CMTM8: variants seen among roughly 807,000 people sequenced by gnomAD.
The protein encoded by CMTM8 is CKLF like MARVEL transmembrane domain containing 8, also known as CKLF-like MARVEL transmembrane domain-containing protein 8.
CMTM8 carries 12 observed loss-of-function variants against 18.6 expected under a neutral mutation model. The observed-to-expected ratio is 0.65, with a 90% CI of 0.41 to 1.05. The LOEUF is 1.05. Among genes scored for constraint, CMTM8 ranks in the 50% least tolerant of loss-of-function variants. CMTM8 has a pLI of 0.00. For synonymous variants in CMTM8, 87 were observed against 90.6 expected, an observed-to-expected ratio of 0.96 and a Z score of 0.23; for missense variants, 217 against 227.2, an observed-to-expected ratio of 0.95 and a Z score of 0.29.
chr3:32,316,455 C>T (rs1695933654), intron 1 of CMTM8, among the ~76,000 whole-genome samples: 1 of 152,206 alleles, frequency 6.6e-6, no homozygotes, highest in African/African-American at 2.4e-5. Context: ...GGTGTTTACA[C>T]ATTGTGTCCT....
At chr3:32,292,036 G>A (rs1176946233) in intron 1 of CMTM8, among the ~76,000 whole-genome samples, 1 of 152,168 alleles carries the variant, frequency 6.6e-6, no homozygotes, top group Non-Finnish European at 1.5e-5. Context: ...CAGATCTATA[G>A]CTCTCATCAC....
rs558122220 is a variant in CMTM8 at position 32,357,272 on chromosome 3, G to T, written c.148-101G>T. The T allele has an allele frequency of 3.4e-4, 314 of 927,186 alleles. 1 individual carries two copies. The South Asian group carries it at 5.1e-3, about 15-fold the overall frequency. 57.4% of individuals were successfully genotyped at this position (927,186 alleles called of 1,614,324 possible). On this transcript the variant is annotated intron_variant, in intron 1 of 3. Transcript: ENST00000307526. The stretch of plus-strand genomic sequence containing the variant: ...ATAAATAAATAAATAAGTTGTAATT[G>T]ACATTCTGTATAATTATTTTTTTTT...
At chr3:32,330,082 A>G (rs995146618) in intron 1 of CMTM8, among the ~76,000 whole-genome samples, 7 of 151,550 alleles carry the variant, frequency 4.6e-5, no homozygotes, top group African/African-American at 1.4e-4. Context: ...TAAAGGAGAC[A>G]TAAATAGAAA....
chr3:32,340,246 G>A (rs1399502130), intron 1 of CMTM8, among the ~76,000 whole-genome samples: 1 of 152,298 alleles, frequency 6.6e-6, no homozygotes, highest in Admixed American at 6.5e-5. Flanking sequence ...GGGTCCGGTT[G>A]TATCACCTTA....
At chr3:32,255,235 G>T (rs1032921373) in intron 1 of CMTM8, among the ~76,000 whole-genome samples, 1 of 152,070 alleles carries the variant, frequency 6.6e-6, no homozygotes, top group Admixed American at 6.6e-5. Flanking sequence ...TATGTAGAAG[G>T]TTTTGTGTGG....
At chr3:32,284,589 G>C (rs1702651256) in intron 1 of CMTM8, among the ~76,000 whole-genome samples, 1 of 152,206 alleles carries the variant, frequency 6.6e-6, no homozygotes, top group African/African-American at 2.4e-5. Context: ...ATAGGACTTT[G>C]AGTAGACATT....
intron 1 of CMTM8, among the ~76,000 whole-genome samples, chr3:32,348,529 C>CTT (rs56252781): frequency 4.9e-5 from 5 of 102,050 alleles, no homozygotes; most frequent in African/African-American, 7.0e-5. Context: ...CTTCCTGGAA[C>CTT]TTTTTTTTTT....
At chr3:32,363,403 G>T (rs2125603258) in intron 2 of CMTM8, among the ~76,000 whole-genome samples, 1 of 152,274 alleles carries the variant, frequency 6.6e-6, no homozygotes, top group East Asian at 1.9e-4. Context: ...TCCCTTTAAG[G>T]CACAGTGTTG....
At chr3:32,331,805 T>A (rs1395573192) in intron 1 of CMTM8, among the ~76,000 whole-genome samples, 1 of 152,206 alleles carries the variant, frequency 6.6e-6, no homozygotes, top group Non-Finnish European at 1.5e-5. Context: ...CTGCATGCTT[T>A]CACTTATATA....
intron 1 of CMTM8, among the ~76,000 whole-genome samples, chr3:32,356,447 G>T (rs543038744): frequency 6.6e-6 from 1 of 152,322 alleles, no homozygotes; most frequent in South Asian, 2.1e-4. Flanking sequence ...TACAGTTTAG[G>T]TCAGTTTCCT....
intron 1 of CMTM8, among the ~76,000 whole-genome samples, chr3:32,317,739 A>C (rs1394194727): frequency 1.3e-5 from 2 of 152,174 alleles, no homozygotes; most frequent in Non-Finnish European, 2.9e-5. Flanking sequence ...ATACTCAGGA[A>C]TACCAACTAT....
intron 3 of CMTM8, among the ~76,000 whole-genome samples, chr3:32,368,308 G>T (rs1697083166): frequency 6.6e-6 from 1 of 152,116 alleles, no homozygotes; most frequent in Admixed American, 6.5e-5. Context: ...GAAGGTTGCA[G>T]AAAATGAACA....
chr3:32,276,940 T>A (rs1575156523), intron 1 of CMTM8, among the ~76,000 whole-genome samples: 1 of 152,094 alleles, frequency 6.6e-6, no homozygotes, highest in African/African-American at 2.4e-5. Context: ...CAGGCTAGAG[T>A]GCAGCGGCAC....
chr3:32,329,671 T>C (rs1275328311), intron 1 of CMTM8, among the ~76,000 whole-genome samples: 1 of 152,048 alleles, frequency 6.6e-6, no homozygotes, highest in East Asian at 1.9e-4. Flanking sequence ...TCATATTCAG[T>C]GGTATAAAAA....
At chr3:32,315,128 C>CTTCT in intron 1 of CMTM8, among the ~76,000 whole-genome samples, 1 of 138,596 alleles carries the variant, frequency 7.2e-6, no homozygotes, top group African/African-American at 2.8e-5. Flanking sequence ...TCTTCTTCTT[C>CTTCT]TTTTTTTTTT....
chr3:32,244,422 G>A (rs928851112), intron 1 of CMTM8, among the ~76,000 whole-genome samples: 5 of 152,242 alleles, frequency 3.3e-5, no homozygotes, highest in African/African-American at 1.2e-4. Flanking sequence ...CTGGCCTCAA[G>A]CAGTTCTCCT....
intron 1 of CMTM8, 64 bp from the exon 2 acceptor site, chr3:32,357,309 C>A: frequency 8.3e-7 from 1 of 1,203,886 alleles, no homozygotes; most frequent in Non-Finnish European, 1.2e-6. Context: ...TTTGTCCCTC[C>A]TTCCTTCTTT....
chr3:32,316,243 G>A (rs1234712439), intron 1 of CMTM8, among the ~76,000 whole-genome samples: 1 of 151,734 alleles, frequency 6.6e-6, no homozygotes, highest in Non-Finnish European at 1.5e-5. Context: ...TAGCCAGAAT[G>A]GTCTTGATCT....
At chr3:32,305,230 G>A (rs1447630154) in intron 1 of CMTM8, among the ~76,000 whole-genome samples, 1 of 136,878 alleles carries the variant, frequency 7.3e-6, no homozygotes, top group African/African-American at 2.6e-5. Flanking sequence ...AATGACTGGA[G>A]GCTTTTTTTT....
Sources: gnomAD v4.1 joint callset for allele counts (sites outside exome capture counted in the v4.1 genomes callset) on GRCh38, gnomAD v4.1.1 for gene constraint, MANE v1.5 for transcripts, NCBI Gene and HGNC (gene_info 2026-07-23, HGNC 2026-07-21) for gene names.